ZNF738: variants seen among roughly 807,000 people sequenced by gnomAD.
The protein encoded by ZNF738 is zinc finger protein 738, also known as protein ZNF738.
A neutral mutation model predicts 9.2 loss-of-function variants in ZNF738; 10 were observed. That is an observed-to-expected ratio of 1.09 (90% CI 0.67 to 1.85). The LOEUF (loss-of-function observed/expected upper bound fraction) is 1.85. ZNF738 is among the 40% of genes most tolerant of loss of function. The pLI is 0.00. For missense variants in ZNF738, 346 were observed against 283.6 expected (o/e 1.22, Z -1.58); for synonymous variants, 113 against 94.5 (o/e 1.20, Z -1.14).
At chr19:21,365,440 C>CA (rs1325892849) in intron 2 of ZNF738, among the ~76,000 whole-genome samples, 4 of 151,846 alleles carry the variant, frequency 2.6e-5, no homozygotes, top group African/African-American at 4.8e-5. Context: ...CTCTTTTGTA[C>CA]AAAAAAACCC....
At chr19:21,375,019 TATC>T (rs1454120979) in intron 2 of ZNF738, among the ~76,000 whole-genome samples, 2 of 152,206 alleles carry the variant, frequency 1.3e-5, no homozygotes, top group African/African-American at 4.8e-5. Context: ...TTCATAAAAT[TATC>T]ATATATACAG....
intron 2 of ZNF738, among the ~76,000 whole-genome samples, chr19:21,362,259 CAGA>C (rs1434470299): frequency 5.9e-5 from 9 of 151,768 alleles, no homozygotes; most frequent in East Asian, 1.9e-4. Context: ...TGTAAGGGAG[CAGA>C]AGAATAGTGA....
At chr19:21,371,374 A>G (rs1973855231) in intron 2 of ZNF738, among the ~76,000 whole-genome samples, 1 of 152,228 alleles carries the variant, frequency 6.6e-6, no homozygotes, top group Non-Finnish European at 1.5e-5. Context: ...TGTCAGGCTA[A>G]CAAGAATGAT....
chr19:21,361,735 A>T (rs780727487), intron 1 of ZNF738, 31 bp from the exon 2 acceptor site: 2 of 778,410 alleles, frequency 2.6e-6, no homozygotes, highest in African/African-American at 3.4e-5. Flanking sequence ...TGTCTAGTGG[A>T]TATCAGCTTC....
intron 4 of ZNF738, chr19:21,377,509 C>T (rs759106343): frequency 7.9e-5 from 52 of 657,074 alleles, no homozygotes; most frequent in Non-Finnish European, 1.2e-4. Flanking sequence ...GACACACAGA[C>T]GTGCACACAC....
intron 4 of ZNF738, among the ~76,000 whole-genome samples, chr19:21,379,983 C>T (rs1973984957): frequency 6.6e-6 from 1 of 152,086 alleles, no homozygotes; most frequent in African/African-American, 2.4e-5. Context: ...CCAGGAAAAT[C>T]AGTAACTAAG....
At chr19:21,364,346 G>A (rs914778617) in intron 2 of ZNF738, among the ~76,000 whole-genome samples, 1 of 151,990 alleles carries the variant, frequency 6.6e-6, no homozygotes, top group African/African-American at 2.4e-5. Flanking sequence ...ATGGCAAACG[G>A]GGGGTTAAAA....
At chr19:21,376,224 G>C in intron 4 of ZNF738, 1 of 321,024 alleles carries the variant, frequency 3.1e-6, no homozygotes, top group South Asian at 4.1e-5. Flanking sequence ...TTCACAGTGA[G>C]AGCCAGAGTC....
intron 2 of ZNF738, among the ~76,000 whole-genome samples, chr19:21,374,806 A>G (rs1973903189): frequency 6.6e-6 from 1 of 152,096 alleles, no homozygotes. Context: ...TCAGAATCTC[A>G]GACTTTATTT....
chr19:21,377,512 G>GCAGA, intron 4 of ZNF738: 1 of 546,772 alleles, frequency 1.8e-6, no homozygotes, highest in Non-Finnish European at 3.4e-6. Context: ...ACACAGACGT[G>GCAGA]CACACACACA....
At position 21,359,532 on chromosome 19, in the gene ZNF738, C is replaced by A. The variant is rs184841790; in HGVS notation, c.3+389C>A. Among the ~76,000 whole-genome samples, 48 of 152,244 alleles carry A rather than the reference C, an allele frequency of 3.2e-4. No homozygotes were observed. In the East Asian group the frequency reaches 8.7e-3, roughly 28 times the overall value. On this transcript the variant is annotated intron_variant, in intron 1 of 4. Coordinates refer to ENST00000683779, the MANE Select transcript of ZNF738 (RefSeq NM_001355237.2). ...GTGGGGTTCCCAGTTCCTATTATCT[C>A]CTATTAAAAGTTAATGGGAGTCACT...
At chr19:21,369,243 G>A (rs1322557550) in intron 2 of ZNF738, among the ~76,000 whole-genome samples, 2 of 151,936 alleles carry the variant, frequency 1.3e-5, no homozygotes, top group Non-Finnish European at 2.9e-5. Context: ...TAAGTAACTG[G>A]AACTATAGGC....
rs8106936 is a variant in ZNF738, at chr19:21,387,404, G to C, written c.*3730G>C. On this transcript the variant is annotated 3_prime_UTR_variant, in exon 5 of 5. Coordinates refer to ENST00000683779, the MANE Select transcript of ZNF738 (RefSeq NM_001355237.2). ...GGGTATGACCATCTTGGCCAGGCTGGTCTCAAACTCCTGACCTCAGGTGAT... is the reference window on the plus strand; with the variant it reads ...GGGTATGACCATCTTGGCCAGGCTGCTCTCAAACTCCTGACCTCAGGTGAT... 0.62 allele frequency among the ~76,000 whole-genome samples: 93,669 copies of C among 151,628 alleles called. 29,006 individuals are homozygous for C. The highest frequency in any genetic ancestry group is 0.7 in the Middle Eastern group (203 of 292).
At chr19:21,371,197 G>T (rs907797121) in intron 2 of ZNF738, among the ~76,000 whole-genome samples, 2 of 152,192 alleles carry the variant, frequency 1.3e-5, no homozygotes, top group Non-Finnish European at 2.9e-5. Flanking sequence ...CAGGATAGGT[G>T]ACCCAGGTTC....
Position 21,375,817 on chromosome 19 carries a change from G to A in ZNF738, c.224-52G>A, listed in dbSNP as rs1298564558. The A allele has an allele frequency of 1.1e-5, 8 of 751,506 alleles. No individual in the cohort carries two copies. In the South Asian group the frequency reaches 1.1e-4, roughly 11 times the overall value. The allele number at this position is 751,506 out of a possible 1,614,324, so 46.6% of individuals were successfully genotyped here. A position where few individuals can be genotyped will look rare whatever the true frequency, so the allele number is the denominator to read the frequency against. On this transcript the variant is annotated intron_variant, in intron 3 of 4. Transcript: ENST00000683779. ...TCTTTACTAAGCACAGTAATAGGTA[G>A]GTAATTAGAGAATATGAGCAAGATT...
In ZNF738 at chr19:21,375,241, C is replaced by T; in HGVS notation, c.100C>T (p.Pro34Ser). 1 of 1,114,146 alleles carries T rather than the reference C, an allele frequency of 9.0e-7. No homozygotes were observed. Among genetic ancestry groups the T allele is most frequent in the Non-Finnish European group, 1.4e-6 (1 of 736,888 alleles). The allele number at this position is 1,114,146 out of a possible 1,614,324, so 69.0% of individuals were successfully genotyped here. A position where few individuals can be genotyped will look rare whatever the true frequency, so the allele number is the denominator to read the frequency against. ...TGTGTGTGTGTGTGTTTTTCAGGGG[C>T]CGTTGACATTTAGGGATGTGGTCAT... is the stretch of plus-strand genomic sequence containing the variant. Reference protein sequence around the residue: ...LLEYSYFEKGPLTFRDVVIEF... With the variant: ...LLEYSYFEKGSLTFRDVVIEF... The change falls in exon 3 of 5, where the codon CCG becomes TCG. Residue 34 changes from proline (P) to serine (S), a missense_variant. Physicochemically the swap from Pro to Ser is moderately conservative, Grantham distance 74 (BLOSUM62 -1). Transcript: ENST00000683779.
chr19:21,364,164 T>C (rs1468360811), intron 2 of ZNF738, among the ~76,000 whole-genome samples: 1 of 121,088 alleles, frequency 8.3e-6, no homozygotes, highest in African/African-American at 3.2e-5. Context: ...GCCACTGCAC[T>C]CTAGTCTGGG....
intron 4 of ZNF738, among the ~76,000 whole-genome samples, chr19:21,382,612 T>C (rs1173966407): frequency 6.6e-6 from 1 of 152,212 alleles, no homozygotes; most frequent in Non-Finnish European, 1.5e-5. Context: ...CAAACTTTTT[T>C]TTCTTCTGTG....
intron 2 of ZNF738, among the ~76,000 whole-genome samples, chr19:21,362,856 G>T (rs1461903208): frequency 6.6e-6 from 1 of 152,100 alleles, no homozygotes; most frequent in African/African-American, 2.4e-5. Flanking sequence ...CCAAGAAAAA[G>T]AAGAGGAAAA....
Sources: allele counts gnomAD v4.1 joint callset (sites outside exome capture counted in the v4.1 genomes callset), GRCh38; gene constraint gnomAD v4.1.1; transcripts MANE v1.5; gene names NCBI Gene and HGNC (gene_info 2026-07-23, HGNC 2026-07-21).